The following ERCC6L2 variants were observed in gnomAD, a reference collection of about 807,000 sequenced individuals.
The protein encoded by ERCC6L2 is ERCC excision repair 6 like 2.
Under a neutral mutation model 132.0 loss-of-function variants are expected in ERCC6L2, and 77 were observed. The observed-to-expected ratio is 0.58, with a 90% CI of 0.49 to 0.71. The LOEUF (loss-of-function observed/expected upper bound fraction) is 0.71, where lower values mean the gene tolerates loss of function less well. ERCC6L2 is among the 30% of genes least tolerant of loss of function. ERCC6L2 has a pLI of 0.00. For missense variants in ERCC6L2, 1,542 were observed against 1,837.6 expected (o/e 0.84, Z 2.94); for synonymous variants, 583 against 632.4 (o/e 0.92, Z 1.17).
intron 3 of ERCC6L2, among the ~76,000 whole-genome samples, chr9:95,905,473 A>T (rs1259671388): frequency 1.3e-5 from 2 of 152,186 alleles, no homozygotes; most frequent in African/African-American, 4.8e-5. Flanking sequence ...TCAAGTGGAA[A>T]ACTACTAAGA....
rs151308487 is a variant in ERCC6L2, at chr9:95,876,046, C to A, written c.8C>A (p.Pro3Gln). The A allele has an allele frequency of 8.8e-3, 13,941 of 1,588,756 alleles. 78 individuals are homozygous for A. The highest frequency in any genetic ancestry group is 0.01 in the Non-Finnish European group (12,171 of 1,168,412). Residue 3 changes from proline (P) to glutamine (Q), a missense_variant, in exon 1 of 19, where the codon CCG becomes CAG. Physicochemically the swap from Pro to Gln is moderately conservative, Grantham distance 76. Coordinates refer to ENST00000653738, the MANE Select transcript of ERCC6L2 (RefSeq NM_020207.7). Reference sequence around the variant, plus strand: ...GCCCCTCCCCCTGGCCGGATGGATCCGTCGGCGCCACAGCCCCGCGCGGAA... The same window carrying A: ...GCCCCTCCCCCTGGCCGGATGGATCAGTCGGCGCCACAGCCCCGCGCGGAA... Reference protein sequence around the residue: MDPSAPQPRAETS... With the variant: MDQSAPQPRAETS...
intron 16 of ERCC6L2, among the ~76,000 whole-genome samples, chr9:95,977,216 G>A (rs10739787): frequency 0.75 from 113,571 of 152,178 alleles, 43,529 homozygotes; most frequent in African/African-American, 0.93. Context: ...TGTGTGCCAT[G>A]TATAGTACCT....
intron 2 of ERCC6L2, 37 bp from the exon 3 acceptor site, chr9:95,897,812 A>G (rs1828547184): frequency 5.0e-6 from 8 of 1,608,870 alleles, no homozygotes; most frequent in Non-Finnish European, 6.8e-6. Context: ...GTCATGATAC[A>G]TTATACACAG....
intron 12 of ERCC6L2, among the ~76,000 whole-genome samples, chr9:95,952,084 C>T (rs1831358716): frequency 7.1e-6 from 1 of 140,478 alleles, no homozygotes; most frequent in Non-Finnish European, 1.5e-5. Context: ...AGGAGAATAG[C>T]TTAAACGAGG....
At chr9:95,896,625 T>C (rs1292465834) in intron 2 of ERCC6L2, among the ~76,000 whole-genome samples, 1 of 152,122 alleles carries the variant, frequency 6.6e-6, no homozygotes, top group African/African-American at 2.4e-5. Context: ...GGTTTTGCCA[T>C]GTTGCCCACG....
intron 17 of ERCC6L2, among the ~76,000 whole-genome samples, chr9:95,981,002 G>A (rs1423257815): frequency 6.6e-6 from 1 of 152,090 alleles, no homozygotes; most frequent in African/African-American, 2.4e-5. Flanking sequence ...TGGAAAGATT[G>A]TGTGCATGCG....
intron 11 of ERCC6L2, among the ~76,000 whole-genome samples, chr9:95,938,038 A>T (rs79544169): frequency 1.4e-5 from 2 of 148,106 alleles, no homozygotes; most frequent in Non-Finnish European, 3.0e-5. Flanking sequence ...TTCTCCTTGT[A>T]TTTTTTTTCA....
intron 20 of ERCC6L2, among the ~76,000 whole-genome samples, chr9:96,039,887 G>A (rs1303234636): frequency 1.3e-5 from 2 of 152,038 alleles, no homozygotes; most frequent in African/African-American, 4.8e-5. Flanking sequence ...CCACAGTGTC[G>A]AATCTACTAT....
chr9:95,965,786 C>T (rs1343694641), intron 13 of ERCC6L2, among the ~76,000 whole-genome samples: 2 of 152,156 alleles, frequency 1.3e-5, no homozygotes, highest in East Asian at 3.9e-4. Flanking sequence ...GCTGGGATTA[C>T]AGGCATGAGC....
chr9:95,972,243 C>A lies in ERCC6L2; in HGVS notation c.2492C>A (p.Ala831Asp), dbSNP rs532544338. 1 of 1,304,052 alleles carries A rather than the reference C, an allele frequency of 7.7e-7. No homozygotes were observed. The highest frequency in any genetic ancestry group is 1.2e-5 in the South Asian group (1 of 80,994). The allele number at this position is 1,304,052 out of a possible 1,614,324, so 80.8% of individuals were successfully genotyped here. A position where few individuals can be genotyped will look rare whatever the true frequency, so the allele number is the denominator to read the frequency against. ...DEQPTCLSTE[A>D]KDAGCEKNQD... ...CAGCCCACATGCCTTTCAACAGAAG[C>A]CAAAGATGCTGGTTGTGAGAAAAAT... Residue 831 changes from alanine (A) to aspartate (D), a missense_variant, in exon 16 of 19, where the codon GCC becomes GAC. Ala to Asp is a moderately radical substitution (Grantham distance 126, BLOSUM62 -2). Transcript: ENST00000653738.
rs530210506 is a variant in ERCC6L2 at position 95,906,237 on chromosome 9, GAT to G, written c.595-839_595-838del. ...GAGAGTAGAGTAATGAGGTAATAGA[GAT>G]AGATGTTGGGTTAAGGAAAAGAAGT... On this transcript the variant is annotated intron_variant, in intron 3 of 18. Transcript: ENST00000653738. Among the ~76,000 whole-genome samples, 212 of 152,306 alleles carry G rather than the reference GAT, an allele frequency of 1.4e-3. 1 individual carries two copies. Among genetic ancestry groups the G allele is most frequent in the Admixed American group, 2.2e-3 (33 of 15,298 alleles).
intron 19 of ERCC6L2, among the ~76,000 whole-genome samples, chr9:96,031,434 A>C (rs1834459577): frequency 6.6e-6 from 1 of 152,224 alleles, no homozygotes; most frequent in African/African-American, 2.4e-5. Context: ...TGAGGCCTCC[A>C]AAATAACCAA....
At chr9:95,990,388 G>A (rs932218470) in intron 17 of ERCC6L2, among the ~76,000 whole-genome samples, 1 of 152,196 alleles carries the variant, frequency 6.6e-6, no homozygotes, top group South Asian at 2.1e-4. Context: ...AGTTCTCAAA[G>A]TGTGGTCCAT....
intron 11 of ERCC6L2, among the ~76,000 whole-genome samples, chr9:95,929,536 TTAAAAA>T (rs1830245973): frequency 6.6e-6 from 1 of 152,110 alleles, no homozygotes; most frequent in Non-Finnish European, 1.5e-5. Flanking sequence ...TCAATGGACT[TTAAAAA>T]TAAACATATA....
chr9:95,967,648 A>G (rs948761880), intron 14 of ERCC6L2: 1 of 152,154 alleles, frequency 6.6e-6, no homozygotes, highest in Non-Finnish European at 1.5e-5. Flanking sequence ...TGAATCCTAT[A>G]AATGTTGTTA....
At chr9:95,971,137 T>TA (rs900631721) in intron 15 of ERCC6L2, among the ~76,000 whole-genome samples, 2 of 152,132 alleles carry the variant, frequency 1.3e-5, no homozygotes, top group Non-Finnish European at 2.9e-5. Flanking sequence ...ATCTTAAAGG[T>TA]AAAAAACATG....
In ERCC6L2 at chr9:95,956,027, C is replaced by T; in HGVS notation, c.1947+14C>T. On this transcript the variant is annotated intron_variant, in intron 13 of 18. Transcript: ENST00000653738. ...ATATACAAGCAGGTAAATATGTTTCCCTTTTTCTGTTTCAGAGGTCAACAT... is the reference window on the plus strand; with the variant it reads ...ATATACAAGCAGGTAAATATGTTTCTCTTTTTCTGTTTCAGAGGTCAACAT... 6.8e-7 allele frequency: 1 copy of T among 1,480,734 alleles called. No homozygotes were observed. The highest frequency in any genetic ancestry group is 9.2e-7 in the Non-Finnish European group (1 of 1,082,230). The allele number at this position is 1,480,734 out of a possible 1,614,324, so 91.7% of individuals were successfully genotyped here.
At chr9:95,956,087 TAA>T (rs1481223697) in intron 13 of ERCC6L2, 74 bp downstream of exon 13, 1 of 810,770 alleles carries the variant, frequency 1.2e-6, no homozygotes. Flanking sequence ...CAAATTTGTG[TAA>T]AATGTAAGTT....
intron 19 of ERCC6L2, among the ~76,000 whole-genome samples, chr9:96,029,174 CGTGA>C (rs1361781057): frequency 1.5e-4 from 22 of 151,584 alleles, no homozygotes; most frequent in African/African-American, 2.4e-5. Context: ...CGTGGTGGCA[CGTGA>C]CTGTAATCCC....
Sources: allele counts gnomAD v4.1 joint callset (sites outside exome capture counted in the v4.1 genomes callset), GRCh38; gene constraint gnomAD v4.1.1; transcripts MANE v1.5; gene names NCBI Gene and HGNC (gene_info 2026-07-23, HGNC 2026-07-21).